OPCML: variants seen among roughly 807,000 people sequenced by gnomAD.
OPCML encodes opioid binding protein/cell adhesion molecule like, also known as opioid-binding protein/cell adhesion molecule.
OPCML carries 13 observed loss-of-function variants against 37.8 expected under a neutral mutation model. The observed-to-expected ratio is 0.34, with a 90% confidence interval of 0.22 to 0.55. The LOEUF (loss-of-function observed/expected upper bound fraction) is 0.55, where lower values mean the gene tolerates loss of function less well. Among genes scored for constraint, OPCML ranks in the 20% least tolerant of loss-of-function variants. The pLI, the probability that OPCML is intolerant of heterozygous loss-of-function variation, is 0.91. For missense variants in OPCML, 341 were observed against 435.6 expected, an observed-to-expected ratio of 0.78 and a Z score of 1.93; for synonymous variants, 176 against 168.8, an observed-to-expected ratio of 1.04 and a Z score of -0.33.
Position 133,460,778 on chromosome 11 carries a change from T to C in OPCML, c.61+71486A>G, listed in dbSNP as rs1219751500. ...ATCAAACACTTAACGAATTAACACCTTAAACCGTTCCAAAAAATTGAAGAG... is the reference window on the plus strand; with the variant it reads ...ATCAAACACTTAACGAATTAACACCCTAAACCGTTCCAAAAAATTGAAGAG... On this transcript the variant is annotated intron_variant, in intron 1 of 7. Coordinates refer to ENST00000524381, the MANE Select transcript of OPCML (RefSeq NM_001012393.5). 4.6e-5 allele frequency among the ~76,000 whole-genome samples: 7 copies of C among 152,010 alleles called. No homozygotes were observed. The East Asian group carries it at 1.3e-3, about 29-fold the overall frequency.
chr11:133,314,210 G>C, intron 1 of OPCML, among the ~76,000 whole-genome samples: 1 of 121,358 alleles, frequency 8.2e-6, no homozygotes, highest in East Asian at 2.8e-4. Context: ...ACTCCAGCCT[G>C]GGCTACAGCG....
intron 2 of OPCML, among the ~76,000 whole-genome samples, chr11:132,708,041 C>T (rs1944105640): frequency 6.6e-6 from 1 of 152,114 alleles, no homozygotes; most frequent in Admixed American, 6.6e-5. Flanking sequence ...ATTTATATTT[C>T]ACCAAAATTC....
intron 1 of OPCML, among the ~76,000 whole-genome samples, chr11:133,354,217 A>G: frequency 2.9e-5 from 1 of 34,858 alleles, no homozygotes; most frequent in Admixed American, 4.1e-4. Flanking sequence ...GGTGGTGATG[A>G]TGCTGGTGCT....
intron 3 of OPCML, among the ~76,000 whole-genome samples, chr11:132,535,859 G>A (rs1229575041): frequency 6.6e-6 from 1 of 152,166 alleles, no homozygotes; most frequent in African/African-American, 2.4e-5. Flanking sequence ...GTAAAACTCT[G>A]AGCTCAATCC....
chr11:133,071,670 A>T (rs1948538127), intron 1 of OPCML, among the ~76,000 whole-genome samples: 2 of 152,196 alleles, frequency 1.3e-5, no homozygotes, highest in Non-Finnish European at 2.9e-5. Flanking sequence ...TGGAACAAGT[A>T]CTTTCTTGTC....
At chr11:132,427,731 G>T (rs2095982406) in intron 7 of OPCML, among the ~76,000 whole-genome samples, 1 of 152,218 alleles carries the variant, frequency 6.6e-6, no homozygotes, top group Admixed American at 6.5e-5. Context: ...TGTCTGTGCT[G>T]ACATCAGCAC....
chr11:133,436,786 C>T (rs1221045162), intron 1 of OPCML, among the ~76,000 whole-genome samples: 6 of 152,160 alleles, frequency 3.9e-5, no homozygotes, highest in East Asian at 1.9e-4. Flanking sequence ...CATGGTTCTT[C>T]TGAGGAGCAA....
At chr11:132,506,513 A>C (rs1396167958) in intron 4 of OPCML, among the ~76,000 whole-genome samples, 2 of 152,186 alleles carry the variant, frequency 1.3e-5, no homozygotes, top group African/African-American at 2.4e-5. Flanking sequence ...TGAAAATGCC[A>C]ATGTCTCAAC....
At chr11:132,487,221 C>G (rs2096202722) in intron 4 of OPCML, among the ~76,000 whole-genome samples, 1 of 152,186 alleles carries the variant, frequency 6.6e-6, no homozygotes, top group South Asian at 2.1e-4. Context: ...CTCAGCCCAT[C>G]ATGTACAATG....
chr11:132,711,854 A>G (rs888840100), intron 2 of OPCML, among the ~76,000 whole-genome samples: 7 of 152,152 alleles, frequency 4.6e-5, no homozygotes, highest in Non-Finnish European at 8.8e-5. Flanking sequence ...ATTCCTTCCA[A>G]TGTAATTCTT....
intron 1 of OPCML, chr11:133,298,275 G>A (rs1942678710): frequency 6.6e-6 from 1 of 152,126 alleles, no homozygotes; most frequent in Non-Finnish European, 1.5e-5. Context: ...TAGGGAGGGA[G>A]AGCAGGAGAA....
intron 4 of OPCML, among the ~76,000 whole-genome samples, chr11:132,486,960 A>G (rs1028235052): frequency 1.3e-5 from 2 of 152,234 alleles, no homozygotes; most frequent in African/African-American, 2.4e-5. Context: ...CTCATTGCAT[A>G]TTATTGGTAC....
At chr11:132,609,316 C>A (rs1389983092) in intron 3 of OPCML, among the ~76,000 whole-genome samples, 1 of 152,188 alleles carries the variant, frequency 6.6e-6, no homozygotes, top group Non-Finnish European at 1.5e-5. Context: ...ATTTTGGTAG[C>A]TTGTCAAAAG....
At chr11:132,511,126 G>A (rs1040910983) in intron 4 of OPCML, among the ~76,000 whole-genome samples, 8 of 152,026 alleles carry the variant, frequency 5.3e-5, no homozygotes, top group Non-Finnish European at 8.8e-5. Flanking sequence ...TGTCACAGTA[G>A]GCAAGGTCAA....
At chr11:133,199,637 C>T (rs559857386) in intron 1 of OPCML, among the ~76,000 whole-genome samples, 2 of 152,202 alleles carry the variant, frequency 1.3e-5, no homozygotes, top group South Asian at 2.1e-4. Flanking sequence ...CCAAGTATTC[C>T]GCAAAATGTG....
intron 2 of OPCML, among the ~76,000 whole-genome samples, chr11:132,829,052 C>T (rs968976250): frequency 2.0e-5 from 3 of 152,226 alleles, no homozygotes; most frequent in Non-Finnish European, 4.4e-5. Flanking sequence ...ATACAGATTA[C>T]TCCAACTCAC....
At chr11:133,439,940 G>A (rs1162482002) in intron 1 of OPCML, among the ~76,000 whole-genome samples, 1 of 152,128 alleles carries the variant, frequency 6.6e-6, no homozygotes, top group Non-Finnish European at 1.5e-5. Context: ...CGCCATTAAT[G>A]TAACTAGATA....
rs1316536581 is a variant in OPCML, at chr11:133,173,200, C to T, written c.62-230190G>A. 6.6e-6 allele frequency among the ~76,000 whole-genome samples: 1 copy of T among 152,230 alleles called. No individual in the cohort carries two copies. The highest frequency in any genetic ancestry group is 1.5e-5 in the Non-Finnish European group (1 of 68,036). ...TTCATATGAATTCCTAAGAAAATGT[C>T]TTCCATGTTTGCTTCAAATATTAGA... On this transcript the variant is annotated intron_variant, in intron 1 of 7. Coordinates refer to ENST00000524381, the MANE Select transcript of OPCML (RefSeq NM_001012393.5). This position sits in a 1 kb window ranked among gnomAD's most constrained non-coding sequence, Gnocchi z 7.8.
At chr11:133,465,940 T>C (rs1946968899) in intron 1 of OPCML, among the ~76,000 whole-genome samples, 1 of 152,206 alleles carries the variant, frequency 6.6e-6, no homozygotes, top group Non-Finnish European at 1.5e-5. Context: ...TTCTAAAGAT[T>C]AAAGATTAAA....
Sources: gnomAD v4.1 joint callset for allele counts (sites outside exome capture counted in the v4.1 genomes callset) on GRCh38, gnomAD v4.1.1 for gene constraint, Gnocchi (gnomAD v3.1) non-coding constraint, MANE v1.5 for transcripts, NCBI Gene and HGNC (gene_info 2026-07-23, HGNC 2026-07-21) for gene names.